Variants in PASK observed in about 807,000 individuals in gnomAD.
The protein encoded by PASK is PAS domain containing serine/threonine kinase, also known as PAS domain-containing serine/threonine-protein kinase.
Under a neutral mutation model 121.0 loss-of-function variants are expected in PASK, and 110 were observed. That is an observed-to-expected ratio of 0.91 (90% CI 0.78 to 1.06). PASK has a LOEUF of 1.06. Among genes scored for constraint, PASK ranks in the 50% least tolerant of loss-of-function variants. The pLI is 0.00. For synonymous variants in PASK, 686 were observed against 717.8 expected, an observed-to-expected ratio of 0.96 and a Z score of 0.71; for missense variants, 1,643 against 1,702.3, an observed-to-expected ratio of 0.97 and a Z score of 0.61.
chr2:241,141,408 T>C (rs1383820225), intron 2 of PASK, among the ~76,000 whole-genome samples: 1 of 152,136 alleles, frequency 6.6e-6, no homozygotes, highest in Non-Finnish European at 1.5e-5. Context: ...CTTGGAAGCG[T>C]TCCTACGATT....
At chr2:241,144,056 C>A (rs1464641113) in intron 1 of PASK, among the ~76,000 whole-genome samples, 1 of 152,202 alleles carries the variant, frequency 6.6e-6, no homozygotes, top group African/African-American at 2.4e-5. Context: ...TCAGCCTCGT[C>A]CAGATTTCAA....
chr2:241,138,532 C>A (rs922522857), intron 5 of PASK, 122 bp downstream of exon 5: 1 of 1,195,308 alleles, frequency 8.4e-7, no homozygotes, highest in Non-Finnish European at 1.2e-6. Context: ...CTGGGCAGAC[C>A]CTCCAGGCTC....
At chr2:241,143,695 C>A (rs1170735847) in intron 1 of PASK, among the ~76,000 whole-genome samples, 1 of 152,186 alleles carries the variant, frequency 6.6e-6, no homozygotes, top group Middle Eastern at 3.2e-3. Context: ...TACACACCAA[C>A]TGAAAATACT....
intron 14 of PASK, chr2:241,113,233 T>C (rs1374993142): frequency 6.6e-6 from 1 of 152,264 alleles, no homozygotes; most frequent in East Asian, 1.9e-4. Flanking sequence ...GGATGTATCA[T>C]GTTGATCTTT....
chr2:241,137,564 G>A (rs998882565), intron 6 of PASK, among the ~76,000 whole-genome samples: 1 of 152,178 alleles, frequency 6.6e-6, no homozygotes, highest in African/African-American at 2.4e-5. Context: ...GAGGACTGTG[G>A]GGCTCAGGCT....
intron 12 of PASK, chr2:241,118,935 A>T (rs974085162): frequency 1.9e-6 from 2 of 1,034,050 alleles, no homozygotes; most frequent in Admixed American, 1.0e-4. Context: ...CCAGCACCCC[A>T]GTGAGTAAGC....
intron 14 of PASK, chr2:241,113,700 A>G: frequency 2.0e-6 from 2 of 985,042 alleles, no homozygotes; most frequent in Non-Finnish European, 2.4e-6. Flanking sequence ...AAAGGGCTAA[A>G]GAGCGACTTG....
chr2:241,114,923 A>T, intron 14 of PASK, 120 bp downstream of exon 14: 1 of 1,579,558 alleles, frequency 6.3e-7, no homozygotes, highest in Non-Finnish European at 8.6e-7. Flanking sequence ...TGAAATCCCC[A>T]CACAGAAGGC....
rs1361367040 is a variant in PASK, at chr2:241,108,253, T to C, written c.3581A>G (p.Tyr1194Cys). 6.2e-7 allele frequency: 1 copy of C among 1,614,002 alleles called. No homozygotes were observed. Among genetic ancestry groups the C allele is most frequent in the Non-Finnish European group, 8.5e-7 (1 of 1,179,894 alleles). The change falls in exon 16 of 18, where the codon TAC becomes TGC. Residue 1194 changes from tyrosine to cysteine, a missense_variant. Coordinates refer to ENST00000234040, the MANE Select transcript of PASK (RefSeq NM_015148.4). The surrounding 1 kb of genome is among the most constrained non-coding windows in gnomAD (Gnocchi z 5.2). The part of the protein sequence containing the change: ...LEMWSLGVTL[Y>C]TLVFEENPFC... ...GGGGTTCTCCTCAAAGACCAGCGTG[T>C]ACAGAGTGACTCCCAGAGACCACAT...
At position 241,115,195 on chromosome 2, in the gene PASK, C is replaced by G. The variant is rs747097014; in HGVS notation, c.3199-18G>C. On this transcript the variant is annotated intron_variant, in intron 13 of 17. Transcript: ENST00000234040. ...TCCAATACCTAGGAAGAGACAAAGCCAAGTCCAACTCTACCAAAACATCTT... is the reference window on the plus strand; with the variant it reads ...TCCAATACCTAGGAAGAGACAAAGCGAAGTCCAACTCTACCAAAACATCTT... 3 of 1,614,064 alleles carry G rather than the reference C, an allele frequency of 1.9e-6. No homozygotes were observed. The highest frequency in any genetic ancestry group is 2.2e-5 in the South Asian group (2 of 91,086).
At chr2:241,109,437 G>A (rs1452710354) in intron 15 of PASK, 1 of 152,438 alleles carries the variant, frequency 6.6e-6, no homozygotes, top group Non-Finnish European at 1.5e-5. Flanking sequence ...GCAGCAGCCT[G>A]TTCTCAGAAC....
At chr2:241,117,487 G>T (rs960464174) in intron 12 of PASK, among the ~76,000 whole-genome samples, 12 of 152,334 alleles carry the variant, frequency 7.9e-5, no homozygotes, top group African/African-American at 2.6e-4. Flanking sequence ...CTCCAGGGGG[G>T]CCCATGCACA....
At chr2:241,111,163 G>A (rs965232332) in intron 15 of PASK, among the ~76,000 whole-genome samples, 4 of 152,200 alleles carry the variant, frequency 2.6e-5, no homozygotes, top group Non-Finnish European at 5.9e-5. Context: ...CCCAAGGCAC[G>A]GCATGGAGCT....
chr2:241,139,330 C>T (rs1273673373), intron 4 of PASK, among the ~76,000 whole-genome samples: 2 of 152,168 alleles, frequency 1.3e-5, no homozygotes, highest in East Asian at 1.9e-4. Context: ...GACCGGCTGA[C>T]GAGGGGAAAC....
chr2:241,136,070 C>T (rs900290079), intron 7 of PASK, 31 bp from the exon 8 acceptor site: 1 of 1,597,290 alleles, frequency 6.3e-7, no homozygotes, highest in African/African-American at 1.3e-5. Context: ...ATTTCAGAAC[C>T]TGGAGGATCC....
At chr2:241,127,701 A>T (rs6745561) in intron 9 of PASK, 2 of 502,120 alleles carry the variant, frequency 4.0e-6, no homozygotes, top group East Asian at 3.9e-5. Flanking sequence ...AGTACAGGAG[A>T]ACTTGCCAAT....
At chr2:241,127,691 A>C (rs2065938229) in intron 9 of PASK, 2 of 535,382 alleles carry the variant, frequency 3.7e-6, no homozygotes, top group Non-Finnish European at 6.8e-6. Flanking sequence ...CCAACAGTAA[A>C]GTACAGGAGA....
At chr2:241,122,533 G>A (rs2065659145) in intron 12 of PASK, among the ~76,000 whole-genome samples, 199 bp downstream of exon 12, 1 of 152,198 alleles carries the variant, frequency 6.6e-6, no homozygotes, top group Admixed American at 6.5e-5. Context: ...AATTGGACGG[G>A]ATCAGCAACC....
rs372718429 is a variant in PASK at position 241,133,593 on chromosome 2, G to A, written c.1307-563C>T. The A allele has an allele frequency of 5.1e-4, 100 of 195,962 alleles. 1 individual carries two copies. The South Asian group carries it at 9.7e-3, about 19-fold the overall frequency. The allele number at this position is 195,962 out of a possible 1,614,324, so 12.1% of individuals were successfully genotyped here. ...TCACCTGGCTCCCTCCAGTCCCCGT[G>A]AGCGCAGGGGCATCTGCACGCAGTG... On this transcript the variant is annotated intron_variant, in intron 8 of 17. Coordinates refer to ENST00000234040, the MANE Select transcript of PASK (RefSeq NM_015148.4).
Sources: allele counts gnomAD v4.1 joint callset (sites outside exome capture counted in the v4.1 genomes callset), GRCh38; gene constraint gnomAD v4.1.1; non-coding constraint Gnocchi (gnomAD v3.1); transcripts MANE v1.5; gene names NCBI Gene and HGNC (gene_info 2026-07-23, HGNC 2026-07-21).